Variants in ZNHIT3 observed in about 807,000 individuals in gnomAD.
ZNHIT3 encodes the protein zinc finger HIT-type containing 3.
A neutral mutation model predicts 19.9 loss-of-function variants in ZNHIT3; 27 were observed. That is an observed-to-expected ratio of 1.36 (90% confidence interval 1.00 to 1.87). The LOEUF (loss-of-function observed/expected upper bound fraction) is 1.87. ZNHIT3 is among the 40% of genes most tolerant of loss of function. The pLI is 0.00. For synonymous variants in ZNHIT3, 81 were observed against 65.7 expected (o/e 1.23, Z -1.13); for missense variants, 215 against 185.6 (o/e 1.16, Z -0.92).
rs934369557 is a variant in ZNHIT3 at position 36,492,887 on chromosome 17, G to A, written c.193G>A (p.Val65Met). The part of the protein sequence containing the change: ...SALPTKTVKP[V>M]ENKDDDDSIA... ...TCTTCCTACCAAAACCGTAAAGCCT[G>A]TGGAAAACAAAGGTGGGTTGGTTGA... is the stretch of plus-strand genomic sequence containing the variant. Residue 65 changes from valine to methionine, a missense_variant, in exon 3 of 5, where the codon GTG becomes ATG. Transcript: ENST00000617429. 11 of 1,614,204 alleles carry A rather than the reference G, an allele frequency of 6.8e-6. No homozygotes were observed. Among genetic ancestry groups the A allele is most frequent in the Non-Finnish European group, 7.6e-6 (9 of 1,180,032 alleles).
At position 36,495,716 on chromosome 17, in the gene ZNHIT3, C is replaced by T; in HGVS notation, c.*312C>T. The stretch of plus-strand genomic sequence containing the variant: ...AGCTTACACTTCATATGGAGTTAAA[C>T]TTGGTCAGTGTTAATAAAATCAAAA... On this transcript the variant is annotated 3_prime_UTR_variant, in exon 5 of 5. Transcript: ENST00000617429. 1.6e-6 allele frequency: 2 copies of T among 1,251,342 alleles called. No individual in the cohort carries two copies. The highest frequency in any genetic ancestry group is 3.8e-5 in the South Asian group (1 of 26,342). The allele number at this position is 1,251,342 out of a possible 1,614,324, so 77.5% of individuals were successfully genotyped here.
downstream of ZNHIT3, among the ~76,000 whole-genome samples, chr17:36,497,319 TGAAA>T (rs1323917709): frequency 1.5e-5 from 2 of 133,908 alleles, no homozygotes; most frequent in African/African-American, 6.0e-5. Flanking sequence ...TTAAATAACA[TGAAA>T]AAAAAAAAAA....
At chr17:36,496,466 A>C (rs929439369), downstream of ZNHIT3, 4 of 1,553,070 alleles carry the variant, frequency 2.6e-6, no homozygotes, top group African/African-American at 2.7e-5. Flanking sequence ...AGGGCCTAAC[A>C]ACCCCACAGA....
At position 36,495,419 on chromosome 17, in the gene ZNHIT3, C is replaced by A; in HGVS notation, c.*15C>A. 1 of 1,577,704 alleles carries A rather than the reference C, an allele frequency of 6.3e-7. No homozygotes were observed. The highest frequency in any genetic ancestry group is 8.6e-7 in the Non-Finnish European group (1 of 1,163,078). ...AGGAGTCTTAAGATGGATTATTGTG[C>A]TGCTTGCTCAAGCGTGTGCTTGACT... On this transcript the variant is annotated 3_prime_UTR_variant, in exon 5 of 5. Coordinates refer to ENST00000617429, the MANE Select transcript of ZNHIT3 (RefSeq NM_004773.4).
chr17:36,496,193 A>G (rs2070949308), downstream of ZNHIT3: 3 of 1,599,486 alleles, frequency 1.9e-6, no homozygotes, highest in Admixed American at 5.0e-5. Flanking sequence ...TGCTGATTAA[A>G]TGTCTTTGGC....
chr17:36,488,564 A>AAAAAAATT (rs1420875555), intron 2 of ZNHIT3, among the ~76,000 whole-genome samples: 1 of 152,122 alleles, frequency 6.6e-6, no homozygotes, highest in Non-Finnish European at 1.5e-5. Flanking sequence ...TAAAAAAATT[A>AAAAAAATT]AAAATAAAGA....
At chr17:36,489,625 A>ATTTTTTTT (rs61263050) in intron 2 of ZNHIT3, 2 of 139,644 alleles carry the variant, frequency 1.4e-5, no homozygotes, top group Non-Finnish European at 1.6e-5. Flanking sequence ...TCATTTGCCC[A>ATTTTTTTT]TTTTTTTTTT....
intron 1 of ZNHIT3, 56 bp downstream of exon 1, chr17:36,486,841 G>C (rs980207386): frequency 6.9e-6 from 11 of 1,599,742 alleles, no homozygotes; most frequent in South Asian, 3.3e-5. Context: ...TGGCGGGAGG[G>C]CGGGAGGCCG....
downstream of ZNHIT3, chr17:36,496,381 T>C: frequency 6.2e-7 from 1 of 1,613,996 alleles, no homozygotes; most frequent in Non-Finnish European, 8.5e-7. Context: ...CAGTGGAGAC[T>C]TTCTGCAGTG....
At position 36,495,388 on chromosome 17, in the gene ZNHIT3, A is replaced by G; in HGVS notation, c.452A>G (p.Gln151Arg). ...DCCLGIVEPS[Q>R]NEES The stretch of plus-strand genomic sequence containing the variant: ...TGTTTAGGAATTGTGGAGCCATCCC[A>G]GAATGAGGAGTCTTAAGATGGATTA... The change falls in exon 5 of 5, where the codon CAG becomes CGG. Residue 151 changes from glutamine to arginine, a missense_variant. Physicochemically the swap from Gln to Arg is conservative, Grantham distance 43. Coordinates refer to ENST00000617429, the MANE Select transcript of ZNHIT3 (RefSeq NM_004773.4). 2 of 1,607,734 alleles carry G rather than the reference A, an allele frequency of 1.2e-6. No homozygotes were observed. The highest frequency in any genetic ancestry group is 1.7e-6 in the Non-Finnish European group (2 of 1,177,884).
At chr17:36,487,083 C>T in intron 2 of ZNHIT3, 117 bp downstream of exon 2, 2 of 1,404,540 alleles carry the variant, frequency 1.4e-6, no homozygotes, top group Non-Finnish European at 9.6e-7. Context: ...CTCGGGTCTC[C>T]GCGGGTTCTG....
chr17:36,488,718 T>C (rs894845025), intron 2 of ZNHIT3, among the ~76,000 whole-genome samples: 3 of 152,238 alleles, frequency 2.0e-5, no homozygotes, highest in African/African-American at 7.2e-5. Flanking sequence ...CATAATTGCA[T>C]ACAATTTGAG....
chr17:36,495,410 A>T lies in ZNHIT3; in HGVS notation c.*6A>T, dbSNP rs2070884886. The T allele has an allele frequency of 1.9e-6, 3 of 1,588,678 alleles. No homozygotes were observed. In the South Asian group the frequency reaches 3.5e-5, roughly 18 times the overall value. ...CCCAGAATGAGGAGTCTTAAGATGG[A>T]TTATTGTGCTGCTTGCTCAAGCGTG... On this transcript the variant is annotated 3_prime_UTR_variant, in exon 5 of 5. Coordinates refer to ENST00000617429, the MANE Select transcript of ZNHIT3 (RefSeq NM_004773.4).
downstream of ZNHIT3, among the ~76,000 whole-genome samples, chr17:36,497,274 T>TC (rs974702818): frequency 2.7e-5 from 4 of 149,016 alleles, no homozygotes; most frequent in Admixed American, 1.3e-4. Flanking sequence ...CTGCATTCCA[T>TC]CCTGGGCGAC....
chr17:36,498,557 G>C (rs1227027302), downstream of ZNHIT3: 1 of 1,606,438 alleles, frequency 6.2e-7, no homozygotes. Flanking sequence ...AGGCCATTCT[G>C]ATCTTAAAAA....
intron 3 of ZNHIT3, 154 bp downstream of exon 3, chr17:36,493,053 GTCA>G: frequency 2.9e-6 from 2 of 688,940 alleles, no homozygotes; most frequent in Non-Finnish European, 5.0e-6. Flanking sequence ...GTGGGGCCAT[GTCA>G]TCATGGGTGA....
At chr17:36,493,771 T>G (rs563064856) in intron 3 of ZNHIT3, among the ~76,000 whole-genome samples, 155 bp from the exon 4 acceptor site, 1 of 152,350 alleles carries the variant, frequency 6.6e-6, no homozygotes, top group African/African-American at 2.4e-5. Context: ...AGTCACAGAC[T>G]CCGGAGAAGA....
At chr17:36,489,333 G>A (rs1239804730) in intron 2 of ZNHIT3, 3 of 152,166 alleles carry the variant, frequency 2.0e-5, no homozygotes, top group African/African-American at 4.8e-5. Context: ...GGATCATATG[G>A]TAGTTCTATT....
intron 3 of ZNHIT3, 98 bp from the exon 4 acceptor site, chr17:36,493,828 T>G: frequency 1.2e-6 from 1 of 815,550 alleles, no homozygotes; most frequent in Non-Finnish European, 2.1e-6. Flanking sequence ...CTATCACATG[T>G]GCGTGCACAC....
Sources: gnomAD v4.1 joint callset for allele counts (sites outside exome capture counted in the v4.1 genomes callset) on GRCh38, gnomAD v4.1.1 for gene constraint, MANE v1.5 for transcripts, NCBI Gene and HGNC (gene_info 2026-07-23, HGNC 2026-07-21) for gene names.